Variants in MYO6 observed in about 807,000 individuals in gnomAD.
The protein encoded by MYO6 is myosin VI, also known as unconventional myosin-VI.
A neutral mutation model predicts 178.7 loss-of-function variants in MYO6; 74 were observed. The observed-to-expected ratio is 0.41, with a 90% CI of 0.34 to 0.50. The LOEUF (loss-of-function observed/expected upper bound fraction) is 0.50. Among genes scored for constraint, MYO6 ranks in the 20% least tolerant of loss-of-function variants. The pLI, the probability that MYO6 is intolerant of heterozygous loss-of-function variation, is 0.09. For missense variants in MYO6, 1,330 were observed against 1,547.4 expected, an observed-to-expected ratio of 0.86 and a Z score of 2.36; for synonymous variants, 477 against 504.6, an observed-to-expected ratio of 0.95 and a Z score of 0.73.
At chr6:75,904,312 C>G (rs1188847087) in intron 30 of MYO6, among the ~76,000 whole-genome samples, 1 of 151,322 alleles carries the variant, frequency 6.6e-6, no homozygotes, top group African/African-American at 2.4e-5. Flanking sequence ...GGATAATATC[C>G]TGCAGAGTGT....
At chr6:75,784,117 G>A (rs1335319360) in intron 1 of MYO6, among the ~76,000 whole-genome samples, 3 of 151,962 alleles carry the variant, frequency 2.0e-5, no homozygotes, top group Admixed American at 6.6e-5. Context: ...GATCACAGGC[G>A]CATGCCACCA....
At chr6:75,793,210 A>G (rs1248841238) in intron 1 of MYO6, among the ~76,000 whole-genome samples, 1 of 152,256 alleles carries the variant, frequency 6.6e-6, no homozygotes, top group African/African-American at 2.4e-5. Flanking sequence ...CAGTGACAAC[A>G]TAATCCACTT....
At chr6:75,857,424 A>G (rs572408712) in intron 13 of MYO6, among the ~76,000 whole-genome samples, 170 bp downstream of exon 13, 10 of 150,752 alleles carry the variant, frequency 6.6e-5, no homozygotes, top group Non-Finnish European at 9.0e-5. Flanking sequence ...GATACTTTAA[A>G]GAGAAGAGGA....
chr6:75,896,795 C>A (rs772211287), intron 29 of MYO6, among the ~76,000 whole-genome samples: 1 of 152,164 alleles, frequency 6.6e-6, no homozygotes, highest in Non-Finnish European at 1.5e-5. Flanking sequence ...TTGAAAATAT[C>A]TCTGAGTGGG....
chr6:75,887,419 G>A (rs1206774942), intron 25 of MYO6, among the ~76,000 whole-genome samples: 1 of 152,062 alleles, frequency 6.6e-6, no homozygotes, highest in Non-Finnish European at 1.5e-5. Flanking sequence ...TGAGGCGGAC[G>A]GATCATGAGG....
chr6:75,802,321 T>C (rs1258101582), intron 1 of MYO6, among the ~76,000 whole-genome samples: 1 of 151,612 alleles, frequency 6.6e-6, no homozygotes, highest in African/African-American at 2.4e-5. Flanking sequence ...ATACAAAAAT[T>C]AGCTGGGCGT....
rs1022341917 is a variant in MYO6 at position 75,918,427 on chromosome 6, G to A, written c.*3415G>A. The A allele has an allele frequency of 6.6e-6, 1 of 152,188 alleles. No individual in the cohort carries two copies. Among genetic ancestry groups the A allele is most frequent in the Non-Finnish European group, 1.5e-5 (1 of 68,054 alleles). 9.4% of individuals were successfully genotyped at this position (152,188 alleles called of 1,614,324 possible). ...ACACTGATACATTTTAGGACACAGA[G>A]CACTCCTAGATCTCTACGAAATTTT... On this transcript the variant is annotated 3_prime_UTR_variant, in exon 35 of 35. Coordinates refer to ENST00000369977, the MANE Select transcript of MYO6 (RefSeq NM_004999.4).
intron 1 of MYO6, among the ~76,000 whole-genome samples, chr6:75,797,734 A>G (rs796387200): frequency 1.5e-4 from 23 of 152,106 alleles, no homozygotes; most frequent in African/African-American, 3.9e-4. Flanking sequence ...AGGTTTCACC[A>G]TGTTAGCCAG....
intron 2 of MYO6, among the ~76,000 whole-genome samples, chr6:75,819,989 A>G (rs1771711486): frequency 1.3e-5 from 2 of 152,082 alleles, no homozygotes; most frequent in African/African-American, 4.8e-5. Flanking sequence ...GGCTGCAGTG[A>G]GCTGTGATTG....
At chr6:75,831,095 G>A (rs922785658) in intron 5 of MYO6, among the ~76,000 whole-genome samples, 7 of 152,198 alleles carry the variant, frequency 4.6e-5, no homozygotes, top group Admixed American at 2.0e-4. Context: ...GTGTCTCTTT[G>A]CCTTTCTCAG....
At chr6:75,914,459 T>G (rs1781000792) in intron 34 of MYO6, among the ~76,000 whole-genome samples, 178 bp downstream of exon 34, 1 of 152,234 alleles carries the variant, frequency 6.6e-6, no homozygotes, top group East Asian at 1.9e-4. Context: ...AATGTGAAAT[T>G]GCTTGGATTA....
intron 23 of MYO6, among the ~76,000 whole-genome samples, 188 bp downstream of exon 23, chr6:75,882,006 T>TATTCAA (rs1336376421): frequency 6.6e-6 from 1 of 152,170 alleles, no homozygotes; most frequent in East Asian, 1.9e-4. Flanking sequence ...TTATTTTCTT[T>TATTCAA]ATTCAAATGT....
At chr6:75,832,693 C>A in intron 5 of MYO6, 149 bp from the exon 6 acceptor site, 3 of 603,058 alleles carry the variant, frequency 5.0e-6, no homozygotes, top group South Asian at 4.0e-5. Context: ...ATGATTTGAA[C>A]ACTTTTGAAT....
chr6:75,759,800 C>T (rs938922144), intron 1 of MYO6, among the ~76,000 whole-genome samples: 17 of 152,170 alleles, frequency 1.1e-4, no homozygotes, highest in Non-Finnish European at 1.5e-5. Context: ...TAATCACTTT[C>T]TCATTTAACT....
At chr6:75,790,654 C>T (rs1768136668) in intron 1 of MYO6, among the ~76,000 whole-genome samples, 1 of 152,188 alleles carries the variant, frequency 6.6e-6, no homozygotes, top group African/African-American at 2.4e-5. Context: ...GTTTGGATTA[C>T]AGGCGTAAGC....
Position 75,915,234 on chromosome 6 carries a change from C to G in MYO6, c.*222C>G. ...GTATCCCGCTGTAATTCCCAAAACT[C>G]TCATTATTCTCTAACTATTACACAT... On this transcript the variant is annotated 3_prime_UTR_variant, in exon 35 of 35. Coordinates refer to ENST00000369977, the MANE Select transcript of MYO6 (RefSeq NM_004999.4). 1.7e-6 allele frequency: 1 copy of G among 571,974 alleles called. No individual in the cohort carries two copies. The highest frequency in any genetic ancestry group is 3.0e-5 in the East Asian group (1 of 33,022). 35.4% of individuals were successfully genotyped at this position (571,974 alleles called of 1,614,324 possible).
rs1466632906 is a variant in MYO6 at position 75,829,360 on chromosome 6, ACT to A, written c.261+748_261+749del. Reference sequence around the variant, plus strand: ...TTGGTGACTGGAGATAAATTACCCCACTGTAGTTCTCCTGTTATAAAGATGGG... The same window carrying A: ...TTGGTGACTGGAGATAAATTACCCCAGTAGTTCTCCTGTTATAAAGATGGG... On this transcript the variant is annotated intron_variant, in intron 4 of 34. Coordinates refer to ENST00000369977, the MANE Select transcript of MYO6 (RefSeq NM_004999.4). 3.9e-5 allele frequency among the ~76,000 whole-genome samples: 6 copies of A among 152,214 alleles called. No individual in the cohort carries two copies. In the East Asian group the frequency reaches 1.2e-3, roughly 29 times the overall value.
chr6:75,833,880 T>G (rs745853941), intron 6 of MYO6, among the ~76,000 whole-genome samples: 1 of 152,236 alleles, frequency 6.6e-6, no homozygotes, highest in African/African-American at 2.4e-5. Flanking sequence ...ATGACATAGT[T>G]TGGAATGGTG....
intron 1 of MYO6, among the ~76,000 whole-genome samples, chr6:75,754,519 CAAAAAA>C (rs58162315): frequency 4.5e-5 from 2 of 44,176 alleles, no homozygotes; most frequent in East Asian, 9.8e-4. Context: ...GACTCCGTCT[CAAAAAA>C]AAAAAAAAAA....
Sources: allele counts gnomAD v4.1 joint callset (sites outside exome capture counted in the v4.1 genomes callset), GRCh38; gene constraint gnomAD v4.1.1; transcripts MANE v1.5; gene names NCBI Gene and HGNC (gene_info 2026-07-23, HGNC 2026-07-21).